The following RSF1 variants were observed in gnomAD, a reference collection of about 807,000 sequenced individuals.
RSF1 encodes the protein HBV pX-associated protein 8.
RSF1 carries 13 observed loss-of-function variants against 145.2 expected under a neutral mutation model. The observed-to-expected ratio is 0.09, with a 90% CI of 0.06 to 0.14. The LOEUF (loss-of-function observed/expected upper bound fraction) is 0.14. RSF1 is among the 10% of genes least tolerant of loss of function. RSF1 has a pLI of 1.00. For missense variants in RSF1, 1,517 were observed against 1,718.2 expected (o/e 0.88, Z 2.07); for synonymous variants, 577 against 592.6 (o/e 0.97, Z 0.38).
At chr11:77,775,576 C>T (rs1368218011) in intron 1 of RSF1, among the ~76,000 whole-genome samples, 1 of 152,180 alleles carries the variant, frequency 6.6e-6, no homozygotes, top group Non-Finnish European at 1.5e-5. Context: ...CAGGCATATT[C>T]TAGTATCAGA....
Position 77,662,790 on chromosome 11 carries a change from GC to G in RSF1, c.*4126del, listed in dbSNP as rs1452239434. On this transcript the variant is annotated 3_prime_UTR_variant, in exon 16 of 16. Transcript: ENST00000308488. ...AATGGATCATATTAAGCAGAAGAGG[GC>G]TAGGTAGATTACAGCAGATATGCAG... 6.6e-6 allele frequency: 1 copy of G among 152,102 alleles called. No individual in the cohort carries two copies. Among genetic ancestry groups the G allele is most frequent in the Non-Finnish European group, 1.5e-5 (1 of 68,000 alleles). 9.4% of individuals were successfully genotyped at this position (152,102 alleles called of 1,614,324 possible). A position where few individuals can be genotyped will look rare whatever the true frequency, so the allele number is the denominator to read the frequency against.
intron 1 of RSF1, among the ~76,000 whole-genome samples, chr11:77,781,737 T>C (rs1309333704): frequency 1.3e-5 from 2 of 152,342 alleles, no homozygotes; most frequent in Non-Finnish European, 2.9e-5. Flanking sequence ...TTCCGAATGA[T>C]TTTGTCTAGT....
At chr11:77,777,628 C>T (rs1355072207) in intron 1 of RSF1, among the ~76,000 whole-genome samples, 3 of 151,970 alleles carry the variant, frequency 2.0e-5, no homozygotes, top group African/African-American at 7.3e-5. Flanking sequence ...TAAAGTAATA[C>T]TTCCTTTTAA....
chr11:77,730,626 T>C (rs1961182644), intron 4 of RSF1, among the ~76,000 whole-genome samples: 1 of 152,184 alleles, frequency 6.6e-6, no homozygotes, highest in Non-Finnish European at 1.5e-5. Flanking sequence ...CCAAATCTCA[T>C]CTTGAATTGT....
intron 14 of RSF1, among the ~76,000 whole-genome samples, 169 bp downstream of exon 14, chr11:77,674,867 C>T (rs557395665): frequency 1.5e-4 from 23 of 152,206 alleles, no homozygotes; most frequent in African/African-American, 4.6e-4. Context: ...GGCATGGTGG[C>T]ACATGCCTGT....
At chr11:77,716,920 A>G (rs1048820077) in intron 5 of RSF1, among the ~76,000 whole-genome samples, 2 of 152,156 alleles carry the variant, frequency 1.3e-5, no homozygotes, top group Admixed American at 1.3e-4. Context: ...GCTCATGCCT[A>G]TAATCCTTGC....
chr11:77,846,309 A>G, the RSF1 span, among the ~76,000 whole-genome samples: 18 of 152,256 alleles, frequency 1.2e-4, no homozygotes, highest in African/African-American at 4.3e-4. Flanking sequence ...TTTGAGGTCA[A>G]TTTCTTCTTT....
At chr11:77,682,872 C>T (rs890748148) in intron 11 of RSF1, among the ~76,000 whole-genome samples, 3 of 151,972 alleles carry the variant, frequency 2.0e-5, no homozygotes, top group Non-Finnish European at 4.4e-5. Flanking sequence ...TGCAGGTAAA[C>T]AGCATGTGCA....
chr11:77,843,219 T>C, the RSF1 span, among the ~76,000 whole-genome samples: 8 of 152,194 alleles, frequency 5.3e-5, no homozygotes, highest in African/African-American at 1.9e-4. Context: ...AACCATCTTA[T>C]TAGGTGTGAA....
At chr11:77,820,997 T>A (rs891621426), upstream of RSF1, 2 of 474,464 alleles carry the variant, frequency 4.2e-6, no homozygotes, top group African/African-American at 2.0e-5. Flanking sequence ...CTGCCTCGTG[T>A]GACAGGGGGA....
At chr11:77,842,719 C>G in the RSF1 span, 1 of 1,532,270 alleles carries the variant, frequency 6.5e-7, no homozygotes, top group South Asian at 1.2e-5. Flanking sequence ...AAAACTATTT[C>G]TCTTGTGTCT....
chr11:77,862,863 G>A, the RSF1 span, among the ~76,000 whole-genome samples: 40 of 151,970 alleles, frequency 2.6e-4, no homozygotes, highest in Non-Finnish European at 4.6e-4. Flanking sequence ...AATATAAGTC[G>A]TTTCTTTCTT....
intron 8 of RSF1, among the ~76,000 whole-genome samples, chr11:77,692,233 A>ATTTTTTT (rs71046904): frequency 0.011 from 566 of 49,464 alleles, 149 homozygotes; most frequent in African/African-American, 0.06. Flanking sequence ...CTACTTTTAA[A>ATTTTTTT]TTTTTTTTTT....
chr11:77,773,991 A>G (rs559493251), intron 1 of RSF1, among the ~76,000 whole-genome samples: 1 of 152,378 alleles, frequency 6.6e-6, no homozygotes, highest in South Asian at 2.1e-4. Context: ...CACATGAACT[A>G]AGTAAAACCA....
chr11:77,822,906 A>C (rs558946510), upstream of RSF1, among the ~76,000 whole-genome samples: 4 of 152,354 alleles, frequency 2.6e-5, no homozygotes, highest in East Asian at 7.7e-4. Context: ...TTTTACGACA[A>C]TAAAAAAGCT....
At chr11:77,748,138 A>G (rs994407194) in intron 2 of RSF1, among the ~76,000 whole-genome samples, 1 of 152,158 alleles carries the variant, frequency 6.6e-6, no homozygotes, top group Admixed American at 6.6e-5. Flanking sequence ...GATTTGTGCA[A>G]TAAAATAATA....
At chr11:77,803,627 A>C (rs889438082) in intron 1 of RSF1, among the ~76,000 whole-genome samples, 7 of 151,604 alleles carry the variant, frequency 4.6e-5, no homozygotes, top group African/African-American at 1.7e-4. Context: ...AAAAATACAA[A>C]AATTAGCCGG....
At chr11:77,857,435 TATAA>T in the RSF1 span, among the ~76,000 whole-genome samples, 5 of 152,222 alleles carry the variant, frequency 3.3e-5, no homozygotes, top group African/African-American at 4.8e-5. Flanking sequence ...TGTCACTATC[TATAA>T]ATATTTATTT....
intron 13 of RSF1, among the ~76,000 whole-genome samples, chr11:77,675,487 C>T (rs1476432535): frequency 6.6e-6 from 1 of 152,190 alleles, no homozygotes; most frequent in East Asian, 1.9e-4. Flanking sequence ...CTGCTTTGAC[C>T]TCTTGGGATG....
Sources: allele counts gnomAD v4.1 joint callset (sites outside exome capture counted in the v4.1 genomes callset), GRCh38; gene constraint gnomAD v4.1.1; transcripts MANE v1.5; gene names NCBI Gene and HGNC (gene_info 2026-07-23, HGNC 2026-07-21).